The following ZNF407 variants were observed in gnomAD, a reference collection of about 807,000 sequenced individuals.
ZNF407 encodes the protein zinc finger protein 407.
ZNF407 carries 17 observed loss-of-function variants against 131.2 expected under a neutral mutation model. That is an observed-to-expected ratio of 0.13 (90% CI 0.09 to 0.19). The LOEUF is 0.19. Ranked by LOEUF, ZNF407 falls within the 10% of genes least tolerant of loss-of-function variation. The probability of loss-of-function intolerance (pLI) is 1.00; values close to 1 mark genes in which losing one functional copy is unlikely to be tolerated. For missense variants in ZNF407, 2,681 were observed against 2,830.6 expected, an observed-to-expected ratio of 0.95 and a Z score of 1.20; for synonymous variants, 1,156 against 1,062.0, an observed-to-expected ratio of 1.09 and a Z score of -1.72.
chr18:74,620,882 T>G (rs1297798297), intron 1 of ZNF407, among the ~76,000 whole-genome samples: 1 of 152,022 alleles, frequency 6.6e-6, no homozygotes, highest in African/African-American at 2.4e-5. Flanking sequence ...CTGTGTAGGT[T>G]TGGGGTTATG....
At chr18:74,734,893 T>C (rs769797157) in intron 3 of ZNF407, among the ~76,000 whole-genome samples, 2 of 152,158 alleles carry the variant, frequency 1.3e-5, no homozygotes, top group African/African-American at 2.4e-5. Context: ...ATTTTCTTTC[T>C]AGCATAGGAA....
chr18:74,709,405 G>A (rs181193656), intron 3 of ZNF407, among the ~76,000 whole-genome samples: 1 of 152,232 alleles, frequency 6.6e-6, no homozygotes, highest in African/African-American at 2.4e-5. Flanking sequence ...AAAAATCCTT[G>A]TGTTGCATTT....
At chr18:74,914,944 A>T (rs1490729466) in intron 7 of ZNF407, among the ~76,000 whole-genome samples, 1 of 152,258 alleles carries the variant, frequency 6.6e-6, no homozygotes, top group African/African-American at 2.4e-5. Flanking sequence ...AGTTCATTAC[A>T]GATGGAAAAA....
intron 4 of ZNF407, among the ~76,000 whole-genome samples, chr18:74,849,052 C>CTTTTTT (rs35529971): frequency 2.4e-4 from 30 of 122,908 alleles, no homozygotes; most frequent in Non-Finnish European, 3.3e-4. Flanking sequence ...ACTTTTGTTT[C>CTTTTTT]TTTTTTTTTT....
At chr18:75,040,131 A>G (rs921026243) in intron 8 of ZNF407, among the ~76,000 whole-genome samples, 2 of 152,134 alleles carry the variant, frequency 1.3e-5, no homozygotes, top group African/African-American at 2.4e-5. Context: ...TCTGTGCTGC[A>G]TTTTATCCCT....
chr18:74,662,561 TA>T (rs1222000218), intron 3 of ZNF407, among the ~76,000 whole-genome samples: 1 of 152,218 alleles, frequency 6.6e-6, no homozygotes, highest in Non-Finnish European at 1.5e-5. Context: ...AAACCTCTAA[TA>T]TTTTAAAAAT....
At chr18:74,826,433 G>A (rs1970410935) in intron 4 of ZNF407, among the ~76,000 whole-genome samples, 2 of 152,192 alleles carry the variant, frequency 1.3e-5, no homozygotes, top group Admixed American at 1.3e-4. Flanking sequence ...TGGCTCAAGA[G>A]CCGTGTGTGT....
At chr18:74,967,730 TTCA>T (rs1972425101) in intron 8 of ZNF407, among the ~76,000 whole-genome samples, 1 of 152,250 alleles carries the variant, frequency 6.6e-6, no homozygotes, top group South Asian at 2.1e-4. Flanking sequence ...GAAAGTCATG[TTCA>T]AATAACGTTG....
intron 3 of ZNF407, among the ~76,000 whole-genome samples, chr18:74,685,919 G>A (rs540428036): frequency 1.1e-4 from 16 of 152,198 alleles, no homozygotes; most frequent in Middle Eastern, 3.4e-3. Context: ...TGTATTTTTT[G>A]TTATTTAGCT....
In ZNF407 at chr18:74,605,467, C is replaced by G. The variant is rs576763098; in HGVS notation, c.-54+7530C>G. Among the ~76,000 whole-genome samples the G allele has an allele frequency of 9.9e-5, 15 of 152,270 alleles. No homozygotes were observed. The East Asian group carries it at 2.9e-3, about 29-fold the overall frequency. ...AAAGCCAGCCCTCACTCTGTTATAG[C>G]TGTTATCCAGCAGTGGTCAGAACAG... is the stretch of plus-strand genomic sequence containing the variant. On this transcript the variant is annotated intron_variant, in intron 1 of 8. Transcript: ENST00000299687.
intron 8 of ZNF407, among the ~76,000 whole-genome samples, chr18:74,999,323 A>G (rs548318186): frequency 4.2e-5 from 5 of 118,444 alleles, no homozygotes; most frequent in South Asian, 3.5e-4. Flanking sequence ...CAATGTGCAC[A>G]TGTACCCTAA....
chr18:75,027,464 A>C (rs1225142223), intron 8 of ZNF407, among the ~76,000 whole-genome samples: 3 of 152,230 alleles, frequency 2.0e-5, no homozygotes, highest in Non-Finnish European at 4.4e-5. Flanking sequence ...GTCTAGGCTA[A>C]GAGTGTAGCC....
At chr18:74,850,347 T>C (rs1419895160) in intron 4 of ZNF407, among the ~76,000 whole-genome samples, 1 of 152,184 alleles carries the variant, frequency 6.6e-6, no homozygotes, top group African/African-American at 2.4e-5. Context: ...CCTAAAAAAC[T>C]TGAGATGGGT....
At chr18:74,803,442 A>G (rs907280992) in intron 4 of ZNF407, among the ~76,000 whole-genome samples, 4 of 152,166 alleles carry the variant, frequency 2.6e-5, no homozygotes, top group Non-Finnish European at 4.4e-5. Flanking sequence ...ATCAATGGGC[A>G]TCTAGAATGT....
chr18:74,927,149 A>G (rs1340019058), intron 8 of ZNF407, among the ~76,000 whole-genome samples: 1 of 152,214 alleles, frequency 6.6e-6, no homozygotes, highest in Non-Finnish European at 1.5e-5. Context: ...GAATCTTCAA[A>G]ACAAATCTTG....
intron 3 of ZNF407, among the ~76,000 whole-genome samples, chr18:74,779,109 A>ATATTTTTTTTTT (rs397943457): frequency 8.2e-5 from 2 of 24,376 alleles, no homozygotes; most frequent in East Asian, 7.1e-3. Flanking sequence ...ATATATATAT[A>ATATTTTTTTTTT]TTTTTTTTTT....
intron 4 of ZNF407, among the ~76,000 whole-genome samples, chr18:74,856,931 A>G (rs144077707): frequency 1.3e-5 from 2 of 152,362 alleles, no homozygotes; most frequent in Non-Finnish European, 2.9e-5. Flanking sequence ...ATCCTGCGTT[A>G]GCTTACATGC....
intron 7 of ZNF407, among the ~76,000 whole-genome samples, chr18:74,909,034 T>C (rs1482075162): frequency 8.8e-6 from 1 of 113,218 alleles, no homozygotes; most frequent in African/African-American, 3.3e-5. Flanking sequence ...AGAAACCCCC[T>C]TTCAACCAAA....
At chr18:74,967,085 A>T (rs1028923953) in intron 8 of ZNF407, among the ~76,000 whole-genome samples, 1 of 152,028 alleles carries the variant, frequency 6.6e-6, no homozygotes, top group African/African-American at 2.4e-5. Flanking sequence ...ACATAGGGAA[A>T]CCTCGTCTCT....
Sources: allele counts gnomAD v4.1 joint callset (sites outside exome capture counted in the v4.1 genomes callset), GRCh38; gene constraint gnomAD v4.1.1; transcripts MANE v1.5; gene names NCBI Gene and HGNC (gene_info 2026-07-23, HGNC 2026-07-21).